The following AGBL4 variants were observed in gnomAD, a reference collection of about 807,000 sequenced individuals.
AGBL4 encodes the protein cytosolic carboxypeptidase 6.
In AGBL4, 58 loss-of-function variants were observed where a neutral mutation model predicts 66.4. The ratio of observed to expected loss-of-function variants is 0.87; its 90% confidence interval spans 0.71 to 1.09. AGBL4 has a LOEUF of 1.09. Ranked by LOEUF, AGBL4 falls within the 50% of genes least tolerant of loss-of-function variation. The probability of loss-of-function intolerance (pLI) is 0.00; values close to 1 mark genes in which losing one functional copy is unlikely to be tolerated. For synonymous variants in AGBL4, 234 were observed against 222.9 expected (o/e 1.05, Z -0.44); for missense variants, 579 against 631.0 (o/e 0.92, Z 0.88).
intron 4 of AGBL4, among the ~76,000 whole-genome samples, chr1:49,075,655 C>T (rs1462120752): frequency 1.3e-5 from 2 of 152,152 alleles, no homozygotes; most frequent in African/African-American, 4.8e-5. Flanking sequence ...TGCAGGCCAG[C>T]TATGCAGCTC....
intron 3 of AGBL4, among the ~76,000 whole-genome samples, chr1:49,524,788 T>C (rs1480868624): frequency 6.6e-6 from 1 of 152,032 alleles, no homozygotes; most frequent in Non-Finnish European, 1.5e-5. Context: ...ATGCCTTTAT[T>C]ATGATACCTA....
intron 1 of AGBL4, among the ~76,000 whole-genome samples, chr1:49,876,112 G>T (rs1456502874): frequency 6.7e-6 from 1 of 149,948 alleles, no homozygotes; most frequent in African/African-American, 2.5e-5. Context: ...TAGGTTGCCT[G>T]TTCACTCTGA....
intron 3 of AGBL4, among the ~76,000 whole-genome samples, chr1:49,630,476 A>G (rs1301523709): frequency 1.3e-5 from 2 of 151,934 alleles, no homozygotes; most frequent in Admixed American, 1.3e-4. Context: ...CAGGCATTTC[A>G]CTCAGCATGA....
At chr1:48,669,685 G>A (rs566001721) in intron 6 of AGBL4, among the ~76,000 whole-genome samples, 3 of 152,174 alleles carry the variant, frequency 2.0e-5, no homozygotes, top group East Asian at 1.9e-4. Flanking sequence ...CCAGACCACT[G>A]TGTCCTCACC....
intron 6 of AGBL4, among the ~76,000 whole-genome samples, chr1:48,839,185 G>A (rs749174080): frequency 2.6e-5 from 4 of 151,946 alleles, no homozygotes; most frequent in African/African-American, 4.8e-5. Flanking sequence ...GATATCCATC[G>A]AAAAGAAAGG....
chr1:49,674,249 T>C (rs1033621327), intron 3 of AGBL4, among the ~76,000 whole-genome samples: 1 of 152,078 alleles, frequency 6.6e-6, no homozygotes, highest in South Asian at 2.1e-4. Context: ...ACTCTTTTGC[T>C]TTTAGGTGGG....
intron 3 of AGBL4, among the ~76,000 whole-genome samples, chr1:49,282,873 C>A (rs986049388): frequency 2.0e-5 from 3 of 152,096 alleles, no homozygotes; most frequent in African/African-American, 7.2e-5. Flanking sequence ...GGGTCCTAGG[C>A]CCATGGAGTC....
intron 6 of AGBL4, among the ~76,000 whole-genome samples, chr1:48,860,841 G>C (rs553238922): frequency 2.0e-5 from 3 of 152,262 alleles, no homozygotes; most frequent in African/African-American, 7.2e-5. Flanking sequence ...CCTTCTCAAA[G>C]TGATCTTACA....
chr1:49,274,058 AC>A (rs1171416065), intron 3 of AGBL4, among the ~76,000 whole-genome samples: 2 of 152,224 alleles, frequency 1.3e-5, no homozygotes, highest in African/African-American at 4.8e-5. Context: ...TGCTGTCTTT[AC>A]TAGGTCTTTT....
chr1:49,073,161 G>A (rs993710879), intron 4 of AGBL4, among the ~76,000 whole-genome samples: 1 of 151,924 alleles, frequency 6.6e-6, no homozygotes, highest in Non-Finnish European at 1.5e-5. Context: ...TTTTTTCAAG[G>A]CTCTTAGCTT....
intron 6 of AGBL4, among the ~76,000 whole-genome samples, chr1:48,780,671 T>C (rs112292065): frequency 0.015 from 2,357 of 152,182 alleles, 35 homozygotes; most frequent in African/African-American, 0.041. Flanking sequence ...AAAACAAGCA[T>C]TGGGGAAAGG....
At chr1:48,744,171 A>G (rs1314822779) in intron 6 of AGBL4, among the ~76,000 whole-genome samples, 5 of 152,212 alleles carry the variant, frequency 3.3e-5, no homozygotes, top group African/African-American at 1.2e-4. Flanking sequence ...CCTCCCAATT[A>G]GAGGTGCAAG....
rs932966871 is a variant in AGBL4, at chr1:49,383,804, T to C, written c.283-137940A>G. Among the ~76,000 whole-genome samples, 4 of 144,958 alleles carry C rather than the reference T, an allele frequency of 2.8e-5. No homozygotes were observed. The Admixed American group carries it at 2.8e-4, about 10-fold the overall frequency. ...ACAAATGAGACTGTATATATATATA[T>C]TTTTTTTTTTTGAGATGGTGTCTTG... On this transcript the variant is annotated intron_variant, in intron 3 of 13. Transcript: ENST00000371839.
chr1:49,095,312 T>C (rs1645075195), intron 4 of AGBL4, among the ~76,000 whole-genome samples: 2 of 152,196 alleles, frequency 1.3e-5, no homozygotes, highest in Admixed American at 6.5e-5. Flanking sequence ...AATGACTTTC[T>C]TCACAAAATT....
At chr1:49,364,408 T>C (rs979355448) in intron 3 of AGBL4, among the ~76,000 whole-genome samples, 33 of 152,304 alleles carry the variant, frequency 2.2e-4, no homozygotes, top group African/African-American at 7.5e-4. Context: ...TACTGTATTA[T>C]TTATAGAGTA....
intron 4 of AGBL4, among the ~76,000 whole-genome samples, chr1:49,095,214 G>T (rs1356711718): frequency 6.6e-6 from 1 of 152,208 alleles, no homozygotes; most frequent in Non-Finnish European, 1.5e-5. Flanking sequence ...AACATTCCAT[G>T]CTCATGGGTA....
chr1:49,710,536 A>G (rs919221635), intron 2 of AGBL4, among the ~76,000 whole-genome samples: 15 of 152,154 alleles, frequency 9.9e-5, no homozygotes, highest in African/African-American at 3.6e-4. Context: ...ATATATACCT[A>G]TGTAATAAAC....
chr1:49,912,962 T>C (rs1651004525), intron 1 of AGBL4, among the ~76,000 whole-genome samples: 1 of 152,250 alleles, frequency 6.6e-6, no homozygotes, highest in Non-Finnish European at 1.5e-5. Context: ...CACCTCTTAA[T>C]GGTCCCCGCT....
chr1:49,073,449 T>C (rs1644649718), intron 4 of AGBL4, among the ~76,000 whole-genome samples: 1 of 151,994 alleles, frequency 6.6e-6, no homozygotes, highest in African/African-American at 2.4e-5. Context: ...ATGTCCTTTT[T>C]GTTGATGTTG....
Sources: gnomAD v4.1 joint callset for allele counts (sites outside exome capture counted in the v4.1 genomes callset) on GRCh38, gnomAD v4.1.1 for gene constraint, MANE v1.5 for transcripts, NCBI Gene and HGNC (gene_info 2026-07-23, HGNC 2026-07-21) for gene names.